SNTG1: variants seen among roughly 807,000 people sequenced by gnomAD.
The protein encoded by SNTG1 is gamma-1-syntrophin.
SNTG1 carries 39 observed loss-of-function variants against 74.7 expected under a neutral mutation model. The ratio of observed to expected loss-of-function variants is 0.52; its 90% CI spans 0.40 to 0.68. The LOEUF is 0.68. SNTG1 is among the 30% of genes least tolerant of loss of function. The probability of loss-of-function intolerance (pLI) is 0.00; values close to 1 mark genes in which losing one functional copy is unlikely to be tolerated. For synonymous variants in SNTG1, 254 were observed against 217.1 expected, an observed-to-expected ratio of 1.17 and a Z score of -1.49; for missense variants, 685 against 609.5, an observed-to-expected ratio of 1.12 and a Z score of -1.30.
intron 17 of SNTG1, among the ~76,000 whole-genome samples, chr8:50,717,632 A>G (rs2095478104): frequency 6.6e-6 from 1 of 152,186 alleles, no homozygotes; most frequent in South Asian, 2.1e-4. Context: ...TCTGTTTCAA[A>G]TTCCTCAGAA....
At chr8:50,661,563 T>C (rs1186017974) in intron 15 of SNTG1, among the ~76,000 whole-genome samples, 1 of 152,182 alleles carries the variant, frequency 6.6e-6, no homozygotes, top group Non-Finnish European at 1.5e-5. Context: ...CTTCAAGTTC[T>C]GGGATACATG....
chr8:50,030,468 T>G (rs1585969632), intron 1 of SNTG1, among the ~76,000 whole-genome samples: 1 of 152,108 alleles, frequency 6.6e-6, no homozygotes, highest in Admixed American at 6.5e-5. Context: ...AAATAATGTA[T>G]AGTTGAAAAT....
intron 1 of SNTG1, among the ~76,000 whole-genome samples, chr8:50,070,570 G>A (rs964450485): frequency 1.3e-5 from 2 of 152,068 alleles, no homozygotes; most frequent in African/African-American, 4.8e-5. Flanking sequence ...TTCCATAAAA[G>A]CAAGCTGAAT....
Position 50,530,356 on chromosome 8 carries a change from C to A in SNTG1, c.549+97C>A, listed in dbSNP as rs1455630844. The A allele has an allele frequency of 1.5e-5, 17 of 1,129,970 alleles. No homozygotes were observed. In the African/African-American group the frequency reaches 2.3e-4, roughly 15 times the overall value. The allele number at this position is 1,129,970 out of a possible 1,614,324, so 70.0% of individuals were successfully genotyped here. A position where few individuals can be genotyped will look rare whatever the true frequency, so the allele number is the denominator to read the frequency against. ...TGATTTATCTGACAGATAGGAAATCCCTGGTTGCATAATCATTTAAGAATT... is the reference window on the plus strand; with the variant it reads ...TGATTTATCTGACAGATAGGAAATCACTGGTTGCATAATCATTTAAGAATT... On this transcript the variant is annotated intron_variant, in intron 10 of 18. Coordinates refer to ENST00000642720, the MANE Select transcript of SNTG1 (RefSeq NM_018967.5).
chr8:50,603,598 A>C (rs75748257), intron 13 of SNTG1, among the ~76,000 whole-genome samples: 4,932 of 152,070 alleles, frequency 0.032, 129 homozygotes, highest in African/African-American at 0.06. Context: ...TGGGCATTGA[A>C]AATTTGGATA....
intron 17 of SNTG1, among the ~76,000 whole-genome samples, chr8:50,713,429 A>G (rs904590031): frequency 6.6e-6 from 1 of 152,060 alleles, no homozygotes; most frequent in Non-Finnish European, 1.5e-5. Flanking sequence ...TAGATTACAA[A>G]AATTTTCTCC....
At chr8:49,926,222 G>A (rs1452917237) in intron 1 of SNTG1, among the ~76,000 whole-genome samples, 3 of 152,030 alleles carry the variant, frequency 2.0e-5, no homozygotes, top group African/African-American at 7.2e-5. Context: ...TCTAGGTAAT[G>A]TCATATTTAC....
At chr8:50,117,028 A>C (rs1422515388) in intron 1 of SNTG1, among the ~76,000 whole-genome samples, 1 of 152,182 alleles carries the variant, frequency 6.6e-6, no homozygotes, top group Non-Finnish European at 1.5e-5. Context: ...AGAATGAGGC[A>C]TGAAACAACA....
intron 8 of SNTG1, among the ~76,000 whole-genome samples, chr8:50,454,365 C>G (rs1354039461): frequency 2.0e-5 from 3 of 151,930 alleles, no homozygotes; most frequent in Non-Finnish European, 4.4e-5. Context: ...GGTGTGGTGG[C>G]ATGCACCTGT....
At chr8:50,783,817 G>A (rs1210236989) in intron 18 of SNTG1, among the ~76,000 whole-genome samples, 1 of 152,210 alleles carries the variant, frequency 6.6e-6, no homozygotes, top group Admixed American at 6.5e-5. Context: ...GTAGACTGGA[G>A]CTGTTCCTAT....
intron 2 of SNTG1, chr8:50,381,137 T>G (rs2092472073): frequency 6.6e-6 from 1 of 152,230 alleles, no homozygotes; most frequent in South Asian, 2.1e-4. Flanking sequence ...CATCACATTA[T>G]ATGCATTGCA....
At chr8:50,301,522 C>A (rs1587018289) in intron 2 of SNTG1, among the ~76,000 whole-genome samples, 1 of 151,952 alleles carries the variant, frequency 6.6e-6, no homozygotes, top group Admixed American at 6.6e-5. Context: ...TTCAAATATA[C>A]TTACAATAAT....
At chr8:50,462,065 G>A (rs1425778896) in intron 8 of SNTG1, among the ~76,000 whole-genome samples, 1 of 151,996 alleles carries the variant, frequency 6.6e-6, no homozygotes, top group Non-Finnish European at 1.5e-5. Flanking sequence ...CCAATGACAG[G>A]TGCACCAAAA....
intron 1 of SNTG1, among the ~76,000 whole-genome samples, chr8:50,003,531 C>T (rs1814938899): frequency 6.6e-6 from 1 of 151,978 alleles, no homozygotes; most frequent in Non-Finnish European, 1.5e-5. Flanking sequence ...GAATAGAAGG[C>T]AATGCATTTT....
At chr8:50,751,858 TA>T (rs2095568159) in intron 17 of SNTG1, 142 bp from the exon 18 acceptor site, 1 of 458,992 alleles carries the variant, frequency 2.2e-6, no homozygotes, top group Admixed American at 4.4e-5. Context: ...ATTTGATAAA[TA>T]TTTTTAAATT....
chr8:50,250,714 T>TA (rs1172749192), intron 2 of SNTG1, among the ~76,000 whole-genome samples: 1 of 151,634 alleles, frequency 6.6e-6, no homozygotes, highest in African/African-American at 2.4e-5. Context: ...CAAACAAAAA[T>TA]AAAAAATTTC....
chr8:49,929,971 CAGA>C (rs1807412252), intron 1 of SNTG1, among the ~76,000 whole-genome samples: 1 of 148,660 alleles, frequency 6.7e-6, no homozygotes, highest in South Asian at 2.1e-4. Context: ...CCTCAAGAGG[CAGA>C]AAACCAAAAT....
chr8:49,911,553 AAAAAAAAAAAGAAAGAAAAAAG>A lies in SNTG1; in HGVS notation c.-767_-746del, dbSNP rs1431317025. The A allele has an allele frequency of 7.5e-6, 1 of 133,838 alleles. No homozygotes were observed. Among genetic ancestry groups the A allele is most frequent in the Admixed American group, 8.1e-5 (1 of 12,408 alleles). The allele number at this position is 133,838 out of a possible 1,614,324, so 8.3% of individuals were successfully genotyped here. A position where few individuals can be genotyped will look rare whatever the true frequency, so the allele number is the denominator to read the frequency against. On this transcript the variant is annotated 5_prime_UTR_variant, in exon 1 of 19. Transcript: ENST00000642720. ...TTTGGAGAAACAATTAGCCCCTACAAAAAAAAAAAAGAAAGAAAAAAGAAAAAAAAAAGAACCGGAGGGGAGA... is the reference window on the plus strand; with the variant it reads ...TTTGGAGAAACAATTAGCCCCTACAAAAAAAAAAAAGAACCGGAGGGGAGA...
intron 13 of SNTG1, among the ~76,000 whole-genome samples, chr8:50,606,193 CT>C (rs1440172395): frequency 6.6e-6 from 1 of 152,126 alleles, no homozygotes; most frequent in Non-Finnish European, 1.5e-5. Flanking sequence ...AACTTGTAGA[CT>C]TATTCAAGAG....
Sources: gnomAD v4.1 joint callset for allele counts (sites outside exome capture counted in the v4.1 genomes callset) on GRCh38, gnomAD v4.1.1 for gene constraint, MANE v1.5 for transcripts, NCBI Gene and HGNC (gene_info 2026-07-23, HGNC 2026-07-21) for gene names.